Variants in CPAMD8 observed in about 807,000 individuals in gnomAD.
The protein encoded by CPAMD8 is C3 and PZP like alpha-2-macroglobulin domain containing 8, also known as C3 and PZP-like alpha-2-macroglobulin domain-containing protein 8.
CPAMD8 carries 146 observed loss-of-function variants against 224.7 expected under a neutral mutation model. That is an observed-to-expected ratio of 0.65 (90% CI 0.57 to 0.75). CPAMD8 has a LOEUF of 0.75. CPAMD8 is among the 30% of genes least tolerant of loss of function. CPAMD8 has a pLI of 0.00. For synonymous variants in CPAMD8, 966 were observed against 1,044.6 expected (o/e 0.92, Z 1.45); for missense variants, 2,301 against 2,537.5 (o/e 0.91, Z 2.00).
At chr19:17,009,139 C>A in intron 6 of CPAMD8, 164 bp downstream of exon 6, 1 of 1,108,814 alleles carries the variant, frequency 9.0e-7, no homozygotes, top group Non-Finnish European at 1.3e-6. Flanking sequence ...CAGCCCATCC[C>A]AGGGCGGACC....
chr19:16,974,303 T>C (rs1257929560), intron 17 of CPAMD8, among the ~76,000 whole-genome samples: 1 of 151,784 alleles, frequency 6.6e-6, no homozygotes, highest in Non-Finnish European at 1.5e-5. Flanking sequence ...TTAAGATGGG[T>C]AAACTGGAGC....
At chr19:16,976,405 G>A (rs540277068) in intron 15 of CPAMD8, among the ~76,000 whole-genome samples, 1 of 152,032 alleles carries the variant, frequency 6.6e-6, no homozygotes, top group Non-Finnish European at 1.5e-5. Flanking sequence ...GAAGCCCAGA[G>A]ACAGAGGTTG....
intron 27 of CPAMD8, among the ~76,000 whole-genome samples, chr19:16,919,479 C>G (rs2053087826): frequency 6.6e-6 from 1 of 152,236 alleles, no homozygotes; most frequent in Non-Finnish European, 1.5e-5. Flanking sequence ...CAGATGAAGA[C>G]AGCAACAGCC....
At position 16,997,333 on chromosome 19, in the gene CPAMD8, G is replaced by A. The variant is rs200516486; in HGVS notation, c.873C>T (p.Leu291=). 147 of 1,562,074 alleles carry A rather than the reference G, an allele frequency of 9.4e-5. No homozygotes were observed. In the African/African-American group the frequency reaches 1.6e-3, roughly 17 times the overall value. Residue 291 remains leucine (L), a synonymous_variant, in exon 11 of 42, where the codon CTC becomes CTT. Transcript: ENST00000443236. ...CGCAGATGTCGAAGTCCCGGGAGCCGAGGATCTGGAGGGAGGAAAAACACA... is the reference window on the plus strand; with the variant it reads ...CGCAGATGTCGAAGTCCCGGGAGCCAAGGATCTGGAGGGAGGAAAAACACA... ...GRPVLRTTKI[L]GSRDFDICVR...
Position 16,977,527 on chromosome 19 carries a change from G to A in CPAMD8, c.1599C>T (p.Ala533=), listed in dbSNP as rs372832773. 1.0e-4 allele frequency: 161 copies of A among 1,595,380 alleles called. No individual in the cohort carries two copies. Among genetic ancestry groups the A allele is most frequent in the Non-Finnish European group, 1.2e-4 (142 of 1,174,156 alleles). ...THLSETEPPP[A]PEAEVDVCVT... ...CACACACGTCGACCTCAGCTTCTGG[G>A]GCTGGTGGGGGCTCTGAGGTGAGCA... The change falls in exon 15 of 42, where the codon GCC becomes GCT. Residue 533 remains alanine, a synonymous_variant. Transcript: ENST00000443236.
intron 3 of CPAMD8, among the ~76,000 whole-genome samples, chr19:17,016,898 T>C (rs547465566): frequency 8.6e-5 from 13 of 151,760 alleles, no homozygotes; most frequent in Non-Finnish European, 1.8e-4. Context: ...CTTTTTTTTT[T>C]TTTCTTTTTT....
intron 11 of CPAMD8, among the ~76,000 whole-genome samples, chr19:16,996,137 G>A (rs7257150): frequency 0.044 from 6,600 of 149,952 alleles, 179 homozygotes; most frequent in African/African-American, 0.069. Context: ...GCGACAGAGC[G>A]AGACTCTTGT....
chr19:17,009,124 A>G (rs79357309), intron 6 of CPAMD8, 179 bp downstream of exon 6: 31,975 of 900,130 alleles, frequency 0.036, 685 homozygotes, highest in South Asian at 0.062. Flanking sequence ...GGACAGACAC[A>G]CACACAGCCC....
chr19:16,897,571 C>T, intron 39 of CPAMD8, 120 bp downstream of exon 39: 1 of 608,550 alleles, frequency 1.6e-6, no homozygotes, highest in Non-Finnish European at 2.9e-6. Context: ...CTGCGTTCTC[C>T]TGACTTTACG....
chr19:16,994,603 C>T (rs1260686908), intron 11 of CPAMD8, among the ~76,000 whole-genome samples: 1 of 148,278 alleles, frequency 6.7e-6, no homozygotes, highest in Non-Finnish European at 1.5e-5. Flanking sequence ...TCACTGCTGC[C>T]TCTACCTCCT....
chr19:16,922,129 A>G, intron 26 of CPAMD8, 143 bp from the exon 27 acceptor site: 1 of 605,412 alleles, frequency 1.7e-6, no homozygotes, highest in Admixed American at 2.9e-5. Flanking sequence ...GCCTCGAATC[A>G]CATCTGGAGT....
intron 14 of CPAMD8, among the ~76,000 whole-genome samples, chr19:16,979,856 TA>T (rs2055444631): frequency 6.6e-6 from 1 of 152,152 alleles, no homozygotes. Context: ...TCTATCTACC[TA>T]CCTATCTCAG....
At position 16,968,471 on chromosome 19, in the gene CPAMD8, T is replaced by C. The variant is rs16981511; in HGVS notation, c.2213+2420A>G. 6.4e-3 allele frequency among the ~76,000 whole-genome samples: 971 copies of C among 152,062 alleles called. 12 individuals carry two copies. Among genetic ancestry groups the C allele is most frequent in the African/African-American group, 0.021 (862 of 41,470 alleles). Reference sequence around the variant, plus strand: ...CAGGGCTGGCCACCAAATCAAGAGGTTTCCTGGACAGGTCATACATCAAAA... The same window carrying C: ...CAGGGCTGGCCACCAAATCAAGAGGCTTCCTGGACAGGTCATACATCAAAA... On this transcript the variant is annotated intron_variant, in intron 18 of 41. Transcript: ENST00000443236.
chr19:16,951,930 C>A, intron 20 of CPAMD8, 39 bp downstream of exon 20: 1 of 1,301,620 alleles, frequency 7.7e-7, no homozygotes, highest in African/African-American at 1.5e-5. Context: ...CAACTCCCCA[C>A]TGAATGGAGG....
rs1188198760 is a variant in CPAMD8, at chr19:16,893,070, A to G, written c.*38T>C. On this transcript the variant is annotated 3_prime_UTR_variant, in exon 42 of 42. Coordinates refer to ENST00000443236, the MANE Select transcript of CPAMD8 (RefSeq NM_015692.5). Reference sequence around the variant, plus strand: ...TGTGTGGGTATGAATGGTCCCCAGGACCAAACTGCGGTCCCACAACTGCAT... The same window carrying G: ...TGTGTGGGTATGAATGGTCCCCAGGGCCAAACTGCGGTCCCACAACTGCAT... 2.1e-6 allele frequency: 2 copies of G among 938,908 alleles called. No individual in the cohort carries two copies. Among genetic ancestry groups the G allele is most frequent in the South Asian group, 2.6e-5 (2 of 77,048 alleles). 58.2% of individuals were successfully genotyped at this position (938,908 alleles called of 1,614,324 possible).
Position 16,898,268 on chromosome 19 carries a change from C to T in CPAMD8, c.4849-274G>A, listed in dbSNP as rs1398293962. On this transcript the variant is annotated intron_variant, in intron 37 of 41. Transcript: ENST00000443236. This position sits in a 1 kb window ranked among gnomAD's most constrained non-coding sequence, Gnocchi z 4.2. ...CAAATGATTCTCCTGCCTCAGCCTC[C>T]CAAGTAGCTGGGATAACAGGCGCCC... is the stretch of plus-strand genomic sequence containing the variant. Among the ~76,000 whole-genome samples the T allele has an allele frequency of 6.6e-6, 1 of 151,652 alleles. No individual in the cohort carries two copies. The highest frequency in any genetic ancestry group is 2.4e-5 in the African/African-American group (1 of 41,282).
chr19:16,939,996 T>A (rs962009541), intron 22 of CPAMD8, among the ~76,000 whole-genome samples: 48 of 151,888 alleles, frequency 3.2e-4, no homozygotes, highest in Admixed American at 6.6e-5. Flanking sequence ...CACTACAACC[T>A]CCGCCTCCTG....
intron 26 of CPAMD8, 85 bp downstream of exon 26, chr19:16,925,111 G>T: frequency 7.0e-7 from 1 of 1,431,638 alleles, no homozygotes; most frequent in Non-Finnish European, 9.7e-7. Flanking sequence ...TGGTGTGTGG[G>T]CCACCTCCAG....
intron 1 of CPAMD8, 72 bp downstream of exon 1, chr19:17,026,479 C>T (rs2057084255): frequency 2.2e-6 from 3 of 1,392,554 alleles, no homozygotes; most frequent in African/African-American, 1.5e-5. Context: ...GTCGCTGCAA[C>T]ACTCTGAGCC....
Sources: allele counts gnomAD v4.1 joint callset (sites outside exome capture counted in the v4.1 genomes callset), GRCh38; gene constraint gnomAD v4.1.1; non-coding constraint Gnocchi (gnomAD v3.1); transcripts MANE v1.5; gene names NCBI Gene and HGNC (gene_info 2026-07-23, HGNC 2026-07-21).